The following TRIOBP variants were observed in gnomAD, a reference collection of about 807,000 sequenced individuals.
TRIOBP encodes the protein TRIO and F-actin binding protein.
In TRIOBP, 169 loss-of-function variants were observed where a neutral mutation model predicts 238.8. That is an observed-to-expected ratio of 0.71 (90% confidence interval 0.62 to 0.80). The LOEUF (loss-of-function observed/expected upper bound fraction) is 0.80. TRIOBP is among the 30% of genes least tolerant of loss of function. The probability of loss-of-function intolerance (pLI) is 0.00; values close to 1 mark genes in which losing one functional copy is unlikely to be tolerated. For missense variants in TRIOBP, 2,838 were observed against 3,122.6 expected (o/e 0.91, Z 2.17); for synonymous variants, 1,150 against 1,274.4 (o/e 0.90, Z 2.08).
intron 11 of TRIOBP, chr22:37,750,943 G>C: frequency 2.7e-6 from 1 of 365,838 alleles, no homozygotes; most frequent in South Asian, 2.0e-5. Context: ...ATGGCAACCG[G>C]TGGCCACCTC....
At position 37,769,131 on chromosome 22, in the gene TRIOBP, G is replaced by C; in HGVS notation, c.6679G>C (p.Glu2227Gln). Residue 2227 changes from glutamate to glutamine, a missense_variant, in exon 20 of 24, where the codon GAG becomes CAG. Coordinates refer to ENST00000644935, the MANE Select transcript of TRIOBP (RefSeq NM_001039141.3). ...ACTCATGCGGCAGGCTGAGGAGCGC[G>C]AGCACACGCTGCGCCGCTGCCAGCA... ...GALMRQAEER[E>Q]HTLRRCQQEG... is the part of the protein sequence containing the mutation. 1 of 1,613,004 alleles carries C rather than the reference G, an allele frequency of 6.2e-7. No individual in the cohort carries two copies. The highest frequency in any genetic ancestry group is 8.5e-7 in the Non-Finnish European group (1 of 1,179,924).
chr22:37,754,784 A>C lies in TRIOBP; in HGVS notation c.5380-93A>C, dbSNP rs1601656280. The C allele has an allele frequency of 2.3e-6, 3 of 1,321,760 alleles. No individual in the cohort carries two copies. In the African/African-American group the frequency reaches 4.4e-5, roughly 19 times the overall value. The allele number at this position is 1,321,760 out of a possible 1,614,324, so 81.9% of individuals were successfully genotyped here. A position where few individuals can be genotyped will look rare whatever the true frequency, so the allele number is the denominator to read the frequency against. The stretch of plus-strand genomic sequence containing the variant: ...TCAAATTGGCATTTTCCGCCTCCCC[A>C]CCCCTCCTGTGTGCAGCATAGTGAG... On this transcript the variant is annotated intron_variant, in intron 12 of 23. Transcript: ENST00000644935.
intron 18 of TRIOBP, among the ~76,000 whole-genome samples, chr22:37,767,325 AAAGG>A (rs2145880016): frequency 6.6e-6 from 1 of 151,834 alleles, no homozygotes; most frequent in South Asian, 2.1e-4. Context: ...AGAAAGAAAA[AAAGG>A]AGAGAAACTT....
rs1924027120 is a variant in TRIOBP at position 37,724,672 on chromosome 22, C to G, written c.2116C>G (p.Pro706Ala). 1 of 1,610,024 alleles carries G rather than the reference C, an allele frequency of 6.2e-7. No homozygotes were observed. The change falls in exon 7 of 24, where the codon CCC becomes GCC. Residue 706 changes from proline (P) to alanine (A), a missense_variant. Pro to Ala is a conservative substitution (Grantham distance 27). This residue lies in a region of TRIOBP where 167 missense variants were observed against 200.2 expected (regional missense o/e 0.83). Coordinates refer to ENST00000644935, the MANE Select transcript of TRIOBP (RefSeq NM_001039141.3). ...PRTSCAQRDD[P>A]RASSPNRTTQ... ...AACATCCTGTGCCCAACGGGACGATCCCAGAGCCTCCTCTCCTAACAGAAC... is the reference window on the plus strand; with the variant it reads ...AACATCCTGTGCCCAACGGGACGATGCCAGAGCCTCCTCTCCTAACAGAAC...
Position 37,755,187 on chromosome 22 carries a change from C to T in TRIOBP, c.5574C>T (p.Ile1858=). ...TGCAGCGCAACTATGGCTTCCAGAT[C>T]CACGTGAGGCTGTGTGCAGCTTGGG... ...YAVQRNYGFQ[I]HTKDAVYTLS... is the part of the protein sequence containing the mutation. Residue 1858 remains isoleucine (I), a synonymous_variant, in exon 14 of 24, where the codon ATC becomes ATT. Transcript: ENST00000644935. The T allele has an allele frequency of 6.2e-7, 1 of 1,611,304 alleles. No homozygotes were observed. Among genetic ancestry groups the T allele is most frequent in the Non-Finnish European group, 8.5e-7 (1 of 1,178,752 alleles).
chr22:37,751,882 C>CAG, intron 12 of TRIOBP, 54 bp downstream of exon 12: 1 of 1,568,726 alleles, frequency 6.4e-7, no homozygotes, highest in Non-Finnish European at 8.7e-7. Context: ...CTGCTGGGCC[C>CAG]CTGGGCAGCC....
intron 17 of TRIOBP, among the ~76,000 whole-genome samples, chr22:37,762,436 G>A (rs780099374): frequency 6.6e-6 from 1 of 152,192 alleles, no homozygotes; most frequent in South Asian, 2.1e-4. Context: ...CTACAATGAC[G>A]TTTAAAAGGC....
At chr22:37,740,461 TC>T (rs987665934) in intron 10 of TRIOBP, among the ~76,000 whole-genome samples, 3 of 152,156 alleles carry the variant, frequency 2.0e-5, no homozygotes, top group Admixed American at 1.3e-4. Flanking sequence ...CTTGTGTGAC[TC>T]CTCGGTTCCA....
chr22:37,730,946 CAAAAAAAAAAAAA>C (rs11316099), intron 7 of TRIOBP, among the ~76,000 whole-genome samples: 1 of 83,848 alleles, frequency 1.2e-5, no homozygotes, highest in Non-Finnish European at 2.3e-5. Context: ...GACTCCATCT[CAAAAAAAAAAAAA>C]AAAAAAAAGT....
chr22:37,707,110 A>G (rs1922985682), intron 3 of TRIOBP, among the ~76,000 whole-genome samples: 1 of 151,798 alleles, frequency 6.6e-6, no homozygotes, highest in Non-Finnish European at 1.5e-5. Context: ...TCTACTAAAA[A>G]TACAAAAATA....
intron 3 of TRIOBP, among the ~76,000 whole-genome samples, chr22:37,710,225 T>G (rs1264902437): frequency 6.6e-6 from 1 of 152,218 alleles, no homozygotes; most frequent in African/African-American, 2.4e-5. Flanking sequence ...CACTCACGTG[T>G]GCAGGCACAC....
chr22:37,708,865 G>T (rs559272355), intron 3 of TRIOBP, among the ~76,000 whole-genome samples: 57 of 152,312 alleles, frequency 3.7e-4, no homozygotes, highest in African/African-American at 1.3e-3. Context: ...TGACCGTGGG[G>T]CCCACTCAAG....
intron 9 of TRIOBP, among the ~76,000 whole-genome samples, chr22:37,735,655 G>T (rs908703971): frequency 2.6e-4 from 39 of 152,236 alleles, no homozygotes; most frequent in African/African-American, 8.9e-4. Flanking sequence ...TATGGGCCAA[G>T]CCCTGATCTG....
chr22:37,771,522 A>G lies in TRIOBP; in HGVS notation c.6850-128A>G. 3 of 799,034 alleles carry G rather than the reference A, an allele frequency of 3.8e-6. No homozygotes were observed. The South Asian group carries it at 4.3e-5, about 11-fold the overall frequency. 49.5% of individuals were successfully genotyped at this position (799,034 alleles called of 1,614,324 possible). ...GGAGGAGTCCGCCTCCAGGATGTAGAGGGTTTTTGTGCAGATAGGGGCTGC... is the reference window on the plus strand; with the variant it reads ...GGAGGAGTCCGCCTCCAGGATGTAGGGGGTTTTTGTGCAGATAGGGGCTGC... On this transcript the variant is annotated intron_variant, in intron 21 of 23. Transcript: ENST00000644935.
At chr22:37,755,264 G>T in intron 14 of TRIOBP, 74 bp downstream of exon 14, 1 of 1,449,436 alleles carries the variant, frequency 6.9e-7, no homozygotes, top group South Asian at 1.2e-5. Context: ...TTTTGGTGTT[G>T]AACATGGCTC....
intron 12 of TRIOBP, among the ~76,000 whole-genome samples, chr22:37,752,288 G>A (rs527984663): frequency 2.0e-5 from 3 of 152,180 alleles, no homozygotes; most frequent in Non-Finnish European, 2.9e-5. Flanking sequence ...TGTGACATGG[G>A]CATAATGGAT....
Position 37,770,376 on chromosome 22 carries a change from G to A in TRIOBP, c.6849+1001G>A, listed in dbSNP as rs1249481693. On this transcript the variant is annotated intron_variant, in intron 21 of 23. Coordinates refer to ENST00000644935, the MANE Select transcript of TRIOBP (RefSeq NM_001039141.3). ...GAGGCAGGAGAATGGCATGAACCTGGGAGGCGGAGCGTGCAGTGAGCCGAG... is the reference window on the plus strand; with the variant it reads ...GAGGCAGGAGAATGGCATGAACCTGAGAGGCGGAGCGTGCAGTGAGCCGAG... 2.0e-5 allele frequency among the ~76,000 whole-genome samples: 3 copies of A among 149,824 alleles called. No individual in the cohort carries two copies. The East Asian group carries it at 6.3e-4, about 31-fold the overall frequency.
At chr22:37,754,389 G>A (rs1313322901) in intron 12 of TRIOBP, among the ~76,000 whole-genome samples, 1 of 149,844 alleles carries the variant, frequency 6.7e-6, no homozygotes, top group African/African-American at 2.5e-5. Context: ...ACTCCAGCCT[G>A]GGCAACAAGA....
At chr22:37,770,046 CTT>C (rs1162956733) in intron 21 of TRIOBP, among the ~76,000 whole-genome samples, 21 of 136,024 alleles carry the variant, frequency 1.5e-4, no homozygotes, top group Admixed American at 1.5e-4. Flanking sequence ...TATTTCTTTA[CTT>C]TTTTTTTTTT....
Sources: gnomAD v4.1 joint callset for allele counts (sites outside exome capture counted in the v4.1 genomes callset) on GRCh38, gnomAD v4.1.1 for gene constraint, gnomAD v4.1.1 regional missense constraint, MANE v1.5 for transcripts, NCBI Gene and HGNC (gene_info 2026-07-23, HGNC 2026-07-21) for gene names.